The following FARSB variants were observed in gnomAD, a reference collection of about 807,000 sequenced individuals.
FARSB encodes phenylalanyl-tRNA synthetase subunit beta.
In FARSB, 40 loss-of-function variants were observed where a neutral mutation model predicts 69.6. That is an observed-to-expected ratio of 0.57 (90% CI 0.45 to 0.75). The LOEUF is 0.75. Among genes scored for constraint, FARSB ranks in the 30% least tolerant of loss-of-function variants. The pLI is 0.00. For synonymous variants in FARSB, 235 were observed against 247.2 expected (o/e 0.95, Z 0.46); for missense variants, 632 against 722.9 (o/e 0.87, Z 1.44).
chr2:222,647,096 A>C (rs931976391), intron 2 of FARSB, among the ~76,000 whole-genome samples: 10 of 152,210 alleles, frequency 6.6e-5, no homozygotes, highest in African/African-American at 2.4e-4. Context: ...TAGCAATTTC[A>C]GTCAAACTAC....
At chr2:222,624,804 T>A in intron 10 of FARSB, 29 bp from the exon 11 acceptor site, 1 of 1,359,056 alleles carries the variant, frequency 7.4e-7, no homozygotes, top group Non-Finnish European at 1.0e-6. Context: ...AAAAAGTAAA[T>A]CATTTCCCAT....
chr2:222,631,795 T>C, intron 7 of FARSB, 121 bp from the exon 8 acceptor site: 1 of 663,450 alleles, frequency 1.5e-6, no homozygotes, highest in Admixed American at 2.8e-5. Context: ...ACTAACACCT[T>C]GGCCAGGGAT....
chr2:222,571,699 G>T lies in FARSB; in HGVS notation c.*172C>A. On this transcript the variant is annotated 3_prime_UTR_variant, in exon 17 of 17. Coordinates refer to ENST00000281828, the MANE Select transcript of FARSB (RefSeq NM_005687.5). ...GACACCACACTGGTATATGGCACAAGCTGGCCTAATATGCAGGGAAAGGAT... is the reference window on the plus strand; with the variant it reads ...GACACCACACTGGTATATGGCACAATCTGGCCTAATATGCAGGGAAAGGAT... 1.7e-6 allele frequency: 1 copy of T among 583,888 alleles called. No homozygotes were observed. Among genetic ancestry groups the T allele is most frequent in the Non-Finnish European group, 3.0e-6 (1 of 331,114 alleles). 36.2% of individuals were successfully genotyped at this position (583,888 alleles called of 1,614,324 possible).
chr2:222,613,699 G>C (rs1424645806), intron 15 of FARSB, 112 bp downstream of exon 15: 1 of 653,770 alleles, frequency 1.5e-6, no homozygotes, highest in African/African-American at 1.8e-5. Flanking sequence ...TGGGTGCTGG[G>C]TACATAGGGG....
chr2:222,576,204 C>T (rs1428494816), intron 16 of FARSB, among the ~76,000 whole-genome samples: 1 of 151,982 alleles, frequency 6.6e-6, no homozygotes, highest in African/African-American at 2.4e-5. Flanking sequence ...TCGACTCAAT[C>T]ATTTGGTATT....
intron 16 of FARSB, among the ~76,000 whole-genome samples, chr2:222,590,762 G>A (rs889107333): frequency 2.0e-5 from 3 of 152,178 alleles, no homozygotes; most frequent in Admixed American, 1.3e-4. Flanking sequence ...ATTTAGTAGT[G>A]TGGAAAGTGG....
intron 15 of FARSB, among the ~76,000 whole-genome samples, chr2:222,606,297 A>C (rs1690703377): frequency 6.6e-6 from 1 of 152,190 alleles, no homozygotes; most frequent in Non-Finnish European, 1.5e-5. Context: ...CCTCCTTGAA[A>C]TTGCTGGGTA....
intron 14 of FARSB, among the ~76,000 whole-genome samples, chr2:222,615,189 A>T (rs1230139685): frequency 6.6e-6 from 1 of 152,198 alleles, no homozygotes; most frequent in African/African-American, 2.4e-5. Flanking sequence ...ATGTTACCAG[A>T]AGAGTTTTAT....
chr2:222,638,729 A>G lies in FARSB; in HGVS notation c.455+851T>C, dbSNP rs191245237. Among the ~76,000 whole-genome samples, 221 of 152,338 alleles carry G rather than the reference A, an allele frequency of 1.5e-3. 1 individual carries two copies. The highest frequency in any genetic ancestry group is 0.013 in the Admixed American group (193 of 15,308). On this transcript the variant is annotated intron_variant, in intron 5 of 16. Coordinates refer to ENST00000281828, the MANE Select transcript of FARSB (RefSeq NM_005687.5). ...AGGCTCTACAGTTTACTAAACTACA[A>G]TTATTAGCAAATAGCTGCAGCAGAT... is the stretch of plus-strand genomic sequence containing the variant.
chr2:222,603,742 A>G (rs1690630110), intron 15 of FARSB, among the ~76,000 whole-genome samples: 1 of 147,874 alleles, frequency 6.8e-6, no homozygotes, highest in Non-Finnish European at 1.5e-5. Flanking sequence ...ATATATATTA[A>G]TTAATTATAT....
chr2:222,587,900 T>C (rs963003538), intron 16 of FARSB, among the ~76,000 whole-genome samples: 1 of 152,144 alleles, frequency 6.6e-6, no homozygotes, highest in Admixed American at 6.5e-5. Flanking sequence ...CAGGACCAGA[T>C]GGATTCACAG....
chr2:222,621,747 G>A (rs1182654741), intron 13 of FARSB, among the ~76,000 whole-genome samples: 2 of 152,206 alleles, frequency 1.3e-5, no homozygotes, highest in Non-Finnish European at 2.9e-5. Context: ...TAGAAAGTCA[G>A]AGACTAGGCT....
rs377622830 is a variant in FARSB, at chr2:222,588,901, G to A, written c.1618+11027C>T. On this transcript the variant is annotated intron_variant, in intron 16 of 16. Transcript: ENST00000281828. ...GAAGAATATTCCATGCTCATGGATA[G>A]GAAGAATCAATATCGTGAAAATGGC... Among the ~76,000 whole-genome samples, 104 of 152,272 alleles carry A rather than the reference G, an allele frequency of 6.8e-4. No individual in the cohort carries two copies. The East Asian group carries it at 0.02, about 29-fold the overall frequency.
At chr2:222,643,931 G>T (rs2106239527) in intron 2 of FARSB, among the ~76,000 whole-genome samples, 1 of 152,260 alleles carries the variant, frequency 6.6e-6, no homozygotes, top group African/African-American at 2.4e-5. Context: ...CTACAGCAGG[G>T]AACTGTAAAT....
intron 15 of FARSB, among the ~76,000 whole-genome samples, chr2:222,604,722 A>ATT (rs56201038): frequency 0.051 from 5,685 of 110,568 alleles, 286 homozygotes; most frequent in African/African-American, 0.098. Context: ...TGCCCACTGA[A>ATT]TTTTTTTTTT....
intron 3 of FARSB, among the ~76,000 whole-genome samples, 159 bp downstream of exon 3, chr2:222,642,692 C>G (rs1691752707): frequency 6.6e-6 from 1 of 152,224 alleles, no homozygotes; most frequent in East Asian, 1.9e-4. Flanking sequence ...TGGCTACAAT[C>G]TGCATGAATC....
intron 16 of FARSB, among the ~76,000 whole-genome samples, chr2:222,598,347 CAGG>C (rs1461858061): frequency 6.6e-6 from 1 of 152,164 alleles, no homozygotes; most frequent in Non-Finnish European, 1.5e-5. Flanking sequence ...CTGATTGAAG[CAGG>C]AGAAGTCACA....
At chr2:222,628,547 C>T (rs997893584) in intron 10 of FARSB, among the ~76,000 whole-genome samples, 5 of 152,196 alleles carry the variant, frequency 3.3e-5, no homozygotes, top group African/African-American at 7.2e-5. Flanking sequence ...GTTGTGTTTA[C>T]AGCTGCTGTC....
At chr2:222,594,093 CAA>C (rs33937937) in intron 16 of FARSB, among the ~76,000 whole-genome samples, 1 of 51,548 alleles carries the variant, frequency 1.9e-5, no homozygotes, top group African/African-American at 1.0e-4. Context: ...CCCGCCTCTA[CAA>C]AAAAAAAAAA....
Sources: gnomAD v4.1 joint callset for allele counts (sites outside exome capture counted in the v4.1 genomes callset) on GRCh38, gnomAD v4.1.1 for gene constraint, MANE v1.5 for transcripts, NCBI Gene and HGNC (gene_info 2026-07-23, HGNC 2026-07-21) for gene names.